The following ACYP2 variants were observed in gnomAD, a reference collection of about 807,000 sequenced individuals.
ACYP2 encodes acylphosphatase-2.
A neutral mutation model predicts 11.2 loss-of-function variants in ACYP2; 12 were observed. That is an observed-to-expected ratio of 1.08 (90% CI 0.69 to 1.74). The LOEUF is 1.74. Among genes scored for constraint, ACYP2 ranks in the 40% most tolerant of loss-of-function variants. ACYP2 has a pLI of 0.00. For missense variants in ACYP2, 134 were observed against 101.9 expected, an observed-to-expected ratio of 1.31 and a Z score of -1.35; for synonymous variants, 43 against 32.2, an observed-to-expected ratio of 1.33 and a Z score of -1.13.
chr2:54,037,144 GCT>G (rs1674944663), intron 2 of ACYP2, among the ~76,000 whole-genome samples: 1 of 151,970 alleles, frequency 6.6e-6, no homozygotes, highest in African/African-American at 2.4e-5. Flanking sequence ...ACAGAATCTC[GCT>G]CTGTCACCCA....
intron 2 of ACYP2, among the ~76,000 whole-genome samples, chr2:54,048,802 A>C (rs896311589): frequency 5.9e-5 from 9 of 152,358 alleles, no homozygotes; most frequent in Non-Finnish European, 1.0e-4. Flanking sequence ...TGACAAGAGG[A>C]AGTGACAGAC....
At chr2:54,212,182 C>G (rs552088287) in intron 6 of ACYP2, among the ~76,000 whole-genome samples, 10 of 152,188 alleles carry the variant, frequency 6.6e-5, no homozygotes, top group African/African-American at 2.4e-4. Context: ...TCTCACTGAT[C>G]TTCATATTGC....
chr2:54,082,327 C>T (rs894841303), intron 4 of ACYP2, among the ~76,000 whole-genome samples: 3 of 151,388 alleles, frequency 2.0e-5, no homozygotes, highest in African/African-American at 7.3e-5. Flanking sequence ...CTCACTGCAA[C>T]CTCTGCCTCG....
At chr2:54,134,312 G>A (rs541881409) in intron 4 of ACYP2, among the ~76,000 whole-genome samples, 67 of 151,844 alleles carry the variant, frequency 4.4e-4, no homozygotes, top group African/African-American at 1.5e-3. Flanking sequence ...AAATAAGTAA[G>A]TAAATAAATA....
chr2:54,052,163 G>T (rs1203322623), intron 3 of ACYP2, among the ~76,000 whole-genome samples: 1 of 152,066 alleles, frequency 6.6e-6, no homozygotes, highest in African/African-American at 2.4e-5. Flanking sequence ...GAATAAGTTT[G>T]TTTTAGTGCA....
intron 6 of ACYP2, among the ~76,000 whole-genome samples, chr2:54,220,427 C>G (rs557646909): frequency 6.6e-6 from 1 of 152,228 alleles, no homozygotes; most frequent in Admixed American, 6.5e-5. Context: ...GTTATGTTGA[C>G]TGAATGTTTT....
intron 6 of ACYP2, among the ~76,000 whole-genome samples, chr2:54,150,952 A>G (rs1386618336): frequency 1.3e-5 from 2 of 148,870 alleles, no homozygotes; most frequent in African/African-American, 5.0e-5. Context: ...TGTTTTAGCC[A>G]GGATGGTCTC....
intron 2 of ACYP2, among the ~76,000 whole-genome samples, chr2:53,984,167 A>T (rs749784387): frequency 2.0e-5 from 3 of 152,182 alleles, no homozygotes; most frequent in Admixed American, 6.6e-5. Context: ...TAAATGATGA[A>T]GGCTAATAAA....
In ACYP2 at chr2:53,983,960, A is replaced by T. The variant is rs57214137; in HGVS notation, c.62+10150A>T. On this transcript the variant is annotated intron_variant, in intron 2 of 6. Coordinates refer to ENST00000607452, the MANE Select transcript of ACYP2 (RefSeq NM_001320586.2). ...AACTGAGGCCAGATTACAAGCAGTC[A>T]TGGATGCCTTCCTAAGGTGCTGGAT... 4.6e-5 allele frequency among the ~76,000 whole-genome samples: 7 copies of T among 152,326 alleles called. No individual in the cohort carries two copies. In the East Asian group the frequency reaches 1.2e-3, roughly 25 times the overall value.
At chr2:54,098,539 T>C (rs914699354) in intron 4 of ACYP2, among the ~76,000 whole-genome samples, 1 of 152,202 alleles carries the variant, frequency 6.6e-6, no homozygotes, top group Non-Finnish European at 1.5e-5. Flanking sequence ...CGAGGCAACT[T>C]CTTTGAACAG....
At chr2:54,293,609 G>A (rs985234632) in intron 6 of ACYP2, among the ~76,000 whole-genome samples, 12 of 152,200 alleles carry the variant, frequency 7.9e-5, no homozygotes, top group African/African-American at 2.7e-4. Flanking sequence ...TACCATCTTT[G>A]GCAAAGGCAG....
Position 54,074,578 on chromosome 2 carries a change from TTGTGTG to T in ACYP2, c.277+17256_277+17261del, listed in dbSNP as rs59845178. On this transcript the variant is annotated intron_variant, in intron 4 of 6. Transcript: ENST00000607452. ...TAATTATATATAAATAGAACAGAAT[TTGTGTG>T]TGTGTGTGTGTGTGTGTGTGTGTGT... Among the ~76,000 whole-genome samples, 568 of 146,050 alleles carry T rather than the reference TTGTGTG, an allele frequency of 3.9e-3. 3 individuals are homozygous for T. The highest frequency in any genetic ancestry group is 7.9e-3 in the African/African-American group (311 of 39,174).
chr2:54,241,549 T>C (rs552320782), intron 6 of ACYP2, among the ~76,000 whole-genome samples: 1 of 152,108 alleles, frequency 6.6e-6, no homozygotes, highest in South Asian at 2.1e-4. Context: ...GCAGAAAGTT[T>C]TGCAGTTTTT....
intron 2 of ACYP2, among the ~76,000 whole-genome samples, chr2:53,992,258 A>G (rs955226624): frequency 4.6e-5 from 7 of 150,752 alleles, no homozygotes; most frequent in African/African-American, 1.5e-4. Flanking sequence ...CATAGTAAGC[A>G]CTTACTTTTA....
At chr2:54,237,934 C>T (rs1327123038) in intron 6 of ACYP2, among the ~76,000 whole-genome samples, 3 of 152,062 alleles carry the variant, frequency 2.0e-5, no homozygotes, top group Admixed American at 6.5e-5. Flanking sequence ...CATCCCCTGC[C>T]GTACTCTCGT....
At chr2:54,117,917 C>T (rs1003246658) in intron 4 of ACYP2, among the ~76,000 whole-genome samples, 1 of 152,140 alleles carries the variant, frequency 6.6e-6, no homozygotes, top group Admixed American at 6.5e-5. Flanking sequence ...GTCCCTCACC[C>T]CGTCCTACCC....
At chr2:54,197,942 A>ATGATTGTATTGTATTG (rs1354658076) in intron 6 of ACYP2, among the ~76,000 whole-genome samples, 2 of 69,514 alleles carry the variant, frequency 2.9e-5, no homozygotes, top group African/African-American at 4.6e-5. Flanking sequence ...TGTATGTATT[A>ATGATTGTATTGTATTG]TATTGTATTG....
chr2:54,229,154 C>T (rs1686129167), intron 6 of ACYP2, among the ~76,000 whole-genome samples: 1 of 152,136 alleles, frequency 6.6e-6, no homozygotes, highest in African/African-American at 2.4e-5. Context: ...GACTTATTTT[C>T]CTAACTTTAC....
chr2:54,135,057 G>T (rs1023053085), intron 4 of ACYP2, among the ~76,000 whole-genome samples: 1 of 152,130 alleles, frequency 6.6e-6, no homozygotes, highest in African/African-American at 2.4e-5. Flanking sequence ...TGGCGCATTT[G>T]CCAGCATCAC....
Sources: gnomAD v4.1 joint callset for allele counts (sites outside exome capture counted in the v4.1 genomes callset) on GRCh38, gnomAD v4.1.1 for gene constraint, MANE v1.5 for transcripts, NCBI Gene and HGNC (gene_info 2026-07-23, HGNC 2026-07-21) for gene names.